Variants in SEMA3E observed in about 807,000 individuals in gnomAD.
SEMA3E encodes the protein semaphorin-3E.
SEMA3E carries 49 observed loss-of-function variants against 93.6 expected under a neutral mutation model. The ratio of observed to expected loss-of-function variants is 0.52; its 90% CI spans 0.42 to 0.66. SEMA3E has a LOEUF of 0.66. Ranked by LOEUF, SEMA3E falls within the 30% of genes least tolerant of loss-of-function variation. The probability of loss-of-function intolerance (pLI) is 0.00; values close to 1 mark genes in which losing one functional copy is unlikely to be tolerated. For synonymous variants in SEMA3E, 363 were observed against 330.7 expected (o/e 1.10, Z -1.06); for missense variants, 906 against 964.8 (o/e 0.94, Z 0.81).
At chr7:83,491,390 C>T (rs570599748) in intron 1 of SEMA3E, among the ~76,000 whole-genome samples, 145 of 151,592 alleles carry the variant, frequency 9.6e-4, no homozygotes, top group African/African-American at 3.5e-3. Context: ...GTATCTGTTC[C>T]TCTGTATTAA....
chr7:83,412,779 C>A (rs368908717), intron 5 of SEMA3E, among the ~76,000 whole-genome samples: 13,002 of 142,948 alleles, frequency 0.091, 1,991 homozygotes, highest in African/African-American at 0.32. Flanking sequence ...AAAAAAAAAA[C>A]ACACAGGATA....
intron 1 of SEMA3E, among the ~76,000 whole-genome samples, chr7:83,553,977 CTTTT>C (rs571229717): frequency 7.2e-4 from 110 of 152,130 alleles, no homozygotes; most frequent in Middle Eastern, 3.5e-3. Context: ...TTTCCCTATC[CTTTT>C]TAACTTTTTA....
At chr7:83,538,634 G>A (rs115058612) in intron 1 of SEMA3E, among the ~76,000 whole-genome samples, 2,521 of 152,148 alleles carry the variant, frequency 0.017, 63 homozygotes, top group African/African-American at 0.058. Flanking sequence ...GATATAAAAT[G>A]TATCAATAAT....
At chr7:83,543,372 A>C (rs1341337745) in intron 1 of SEMA3E, among the ~76,000 whole-genome samples, 1 of 151,522 alleles carries the variant, frequency 6.6e-6, no homozygotes, top group African/African-American at 2.4e-5. Context: ...TTTTTTATTA[A>C]ACAAGACAAA....
At chr7:83,615,970 A>T (rs1028138581) in intron 1 of SEMA3E, among the ~76,000 whole-genome samples, 73 of 149,030 alleles carry the variant, frequency 4.9e-4, no homozygotes, top group Non-Finnish European at 6.8e-4. Flanking sequence ...AGTAAGAAAA[A>T]TGGACTAACT....
chr7:83,386,946 C>T, intron 15 of SEMA3E, 37 bp downstream of exon 15: 1 of 1,584,952 alleles, frequency 6.3e-7, no homozygotes, highest in South Asian at 1.1e-5. Context: ...AATGTATTCT[C>T]TGAGTAACCC....
chr7:83,381,712 C>A (rs1787782343), intron 16 of SEMA3E, among the ~76,000 whole-genome samples: 1 of 151,828 alleles, frequency 6.6e-6, no homozygotes, highest in African/African-American at 2.4e-5. Flanking sequence ...TGAAAAAACA[C>A]CCAATAAAAT....
intron 5 of SEMA3E, among the ~76,000 whole-genome samples, chr7:83,415,949 A>C (rs942228198): frequency 6.6e-6 from 1 of 152,122 alleles, no homozygotes; most frequent in African/African-American, 2.4e-5. Flanking sequence ...CCATTAATAC[A>C]TTCTTTCACA....
intron 1 of SEMA3E, among the ~76,000 whole-genome samples, chr7:83,535,619 C>T (rs1351598984): frequency 6.6e-6 from 1 of 152,072 alleles, no homozygotes; most frequent in Non-Finnish European, 1.5e-5. Flanking sequence ...TCTGATATTA[C>T]AATCCAAAGC....
chr7:83,363,885 T>A lies in SEMA3E; in HGVS notation c.*3701A>T. On this transcript the variant is annotated 3_prime_UTR_variant, in exon 17 of 17. Transcript: ENST00000643230. ...ATTTTTTTTTTTTTTTTTTTTTTTT[T>A]TTTTTTTTTTTTTTTTTTTTGAGAC... 1.9e-5 allele frequency: 2 copies of A among 105,862 alleles called. No homozygotes were observed. Among genetic ancestry groups the A allele is most frequent in the African/African-American group, 3.6e-5 (1 of 27,524 alleles). 6.6% of individuals were successfully genotyped at this position (105,862 alleles called of 1,614,324 possible).
intron 1 of SEMA3E, among the ~76,000 whole-genome samples, chr7:83,509,266 G>A (rs959390945): frequency 6.6e-6 from 1 of 152,158 alleles, no homozygotes; most frequent in African/African-American, 2.4e-5. Context: ...AGAAAATGAG[G>A]ATAATATTAG....
At chr7:83,474,008 C>T (rs1001579433) in intron 2 of SEMA3E, among the ~76,000 whole-genome samples, 14 of 149,556 alleles carry the variant, frequency 9.4e-5, no homozygotes, top group African/African-American at 3.5e-4. Flanking sequence ...AGGAGAATTG[C>T]TTGAACCTGG....
At chr7:83,390,093 G>A (rs1562758552) in intron 14 of SEMA3E, among the ~76,000 whole-genome samples, 125 of 114,146 alleles carry the variant, frequency 1.1e-3, no homozygotes, top group African/African-American at 3.7e-3. Context: ...GCACATATAT[G>A]CGCGTATACG....
chr7:83,511,515 G>A (rs1222840816), intron 1 of SEMA3E, among the ~76,000 whole-genome samples: 1 of 152,066 alleles, frequency 6.6e-6, no homozygotes, highest in African/African-American at 2.4e-5. Flanking sequence ...AGGGTCTAGA[G>A]CAATCAAATC....
At chr7:83,515,352 G>C (rs1414515384) in intron 1 of SEMA3E, among the ~76,000 whole-genome samples, 1 of 150,624 alleles carries the variant, frequency 6.6e-6, no homozygotes, top group Non-Finnish European at 1.5e-5. Context: ...CAAATTACTT[G>C]AGTTAAGATG....
chr7:83,482,185 G>A (rs181534388), intron 2 of SEMA3E, among the ~76,000 whole-genome samples: 117 of 152,260 alleles, frequency 7.7e-4, no homozygotes, highest in African/African-American at 2.7e-3. Context: ...GGCTTGGGAT[G>A]TAAGGGTAAG....
chr7:83,382,130 A>T (rs1360381338), intron 16 of SEMA3E, among the ~76,000 whole-genome samples: 1 of 152,002 alleles, frequency 6.6e-6, no homozygotes, highest in African/African-American at 2.4e-5. Flanking sequence ...AAAGCATCTG[A>T]AGCTGTATTT....
At chr7:83,380,927 G>A (rs932489573) in intron 16 of SEMA3E, among the ~76,000 whole-genome samples, 1 of 151,916 alleles carries the variant, frequency 6.6e-6, no homozygotes. Context: ...ATATAGCAAA[G>A]CACATTGCTA....
chr7:83,393,090 T>C (rs1386757442), intron 13 of SEMA3E, among the ~76,000 whole-genome samples: 4 of 151,366 alleles, frequency 2.6e-5, no homozygotes, highest in East Asian at 1.9e-4. Flanking sequence ...ATAATATTTA[T>C]ACTTTCATTT....
Sources: gnomAD v4.1 joint callset for allele counts (sites outside exome capture counted in the v4.1 genomes callset) on GRCh38, gnomAD v4.1.1 for gene constraint, MANE v1.5 for transcripts, NCBI Gene and HGNC (gene_info 2026-07-23, HGNC 2026-07-21) for gene names.